Variants in CPNE5 observed in about 807,000 individuals in gnomAD.
The protein encoded by CPNE5 is copine 5, also known as copine-5.
CPNE5 carries 42 observed loss-of-function variants against 81.1 expected under a neutral mutation model. The observed-to-expected ratio is 0.52, with a 90% CI of 0.40 to 0.67. The LOEUF (loss-of-function observed/expected upper bound fraction) is 0.67. CPNE5 is among the 30% of genes least tolerant of loss of function. The pLI is 0.00. For synonymous variants in CPNE5, 313 were observed against 321.5 expected (o/e 0.97, Z 0.28); for missense variants, 612 against 815.5 (o/e 0.75, Z 3.04).
At chr6:36,799,342 A>G (rs1769892778) in intron 4 of CPNE5, among the ~76,000 whole-genome samples, 1 of 152,080 alleles carries the variant, frequency 6.6e-6, no homozygotes, top group Non-Finnish European at 1.5e-5. Context: ...TTTCTCCCTA[A>G]GATCCCAAAC....
chr6:36,800,305 T>C (rs971152232), intron 3 of CPNE5, among the ~76,000 whole-genome samples: 3 of 152,230 alleles, frequency 2.0e-5, no homozygotes, highest in East Asian at 1.9e-4. Flanking sequence ...CCCATCTCCA[T>C]GCAAGCTGAT....
At chr6:36,779,679 A>C (rs1054744942) in intron 8 of CPNE5, among the ~76,000 whole-genome samples, 4 of 152,202 alleles carry the variant, frequency 2.6e-5, no homozygotes, top group Admixed American at 2.6e-4. Flanking sequence ...CCACCTGCTG[A>C]GTCCCCAGCC....
intron 3 of CPNE5, among the ~76,000 whole-genome samples, chr6:36,818,981 A>G (rs1487970263): frequency 6.6e-6 from 1 of 152,244 alleles, no homozygotes; most frequent in Non-Finnish European, 1.5e-5. Context: ...AGTTCACTTA[A>G]GCAGGCTAAA....
At chr6:36,754,478 C>T (rs546086222) in intron 13 of CPNE5, 11 of 152,374 alleles carry the variant, frequency 7.2e-5, no homozygotes, top group Admixed American at 6.5e-4. Context: ...GGGGATTCTG[C>T]ACACCATAAG....
chr6:36,745,396 G>A lies in CPNE5; in HGVS notation c.1320C>T (p.His440=), dbSNP rs377244489. 89 of 1,606,544 alleles carry A rather than the reference G, an allele frequency of 5.5e-5. No individual in the cohort carries two copies. The highest frequency in any genetic ancestry group is 3.2e-4 in the African/African-American group (24 of 74,906). The change falls in exon 17 of 21, where the codon CAC becomes CAT. Residue 440 remains histidine (H), a synonymous_variant. Transcript: ENST00000244751. ...GTGGCAGCGGCACTCACCTGGCCACGTGGGTGACCACGGGGGCAAAGTTGG... is the reference window on the plus strand; with the variant it reads ...GTGGCAGCGGCACTCACCTGGCCACATGGGTGACCACGGGGGCAAAGTTGG... ...GPTNFAPVVT[H]VARNAAAVQD...
Position 36,839,334 on chromosome 6 carries a change from G to A in CPNE5, c.44C>T (p.Ser15Phe), listed in dbSNP as rs368691298. 6.4e-6 allele frequency: 10 copies of A among 1,553,422 alleles called. No individual in the cohort carries two copies. Among genetic ancestry groups the A allele is most frequent in the South Asian group, 1.2e-5 (1 of 84,078 alleles). Reference protein sequence around the residue: ...EDMASLSEFDSLAGSIPATKV... With the variant: ...EDMASLSEFDFLAGSIPATKV... ...GGTGGCCGGGATGCTGCCCGCCAAG[G>A]AGTCGAACTCGCTCAGCGACGCCAT... The change falls in exon 1 of 21, where the codon TCC (serine) becomes TTC (phenylalanine). Residue 15 changes from serine to phenylalanine, a missense_variant. Transcript: ENST00000244751. This position sits in a 1 kb window ranked among gnomAD's most constrained non-coding sequence, Gnocchi z 7.3.
intron 14 of CPNE5, among the ~76,000 whole-genome samples, chr6:36,750,884 C>T (rs547972779): frequency 6.6e-6 from 1 of 152,322 alleles, no homozygotes; most frequent in South Asian, 2.1e-4. Flanking sequence ...TTCTGAAAAG[C>T]CTTGGGAAAG....
At chr6:36,753,141 G>A (rs1266408405) in intron 13 of CPNE5, 46 bp from the exon 14 acceptor site, 1 of 1,513,230 alleles carries the variant, frequency 6.6e-7, no homozygotes, top group Non-Finnish European at 9.2e-7. Context: ...CTGGGGTCAG[G>A]GGAGATGGGT....
intron 3 of CPNE5, among the ~76,000 whole-genome samples, chr6:36,814,391 C>T (rs1771355992): frequency 6.6e-6 from 1 of 152,170 alleles, no homozygotes; most frequent in Non-Finnish European, 1.5e-5. Context: ...ACAAACGACA[C>T]ATGATGGCAA....
chr6:36,813,130 C>G (rs1771244979), intron 3 of CPNE5, among the ~76,000 whole-genome samples: 1 of 152,328 alleles, frequency 6.6e-6, no homozygotes, highest in East Asian at 1.9e-4. Context: ...CACAAGACTG[C>G]AAATTATCTT....
At chr6:36,775,991 T>C (rs1213313424) in intron 9 of CPNE5, among the ~76,000 whole-genome samples, 1 of 152,244 alleles carries the variant, frequency 6.6e-6, no homozygotes, top group Admixed American at 6.5e-5. Context: ...TTAGACGATC[T>C]TTAAGACCCT....
rs547537881 is a variant in CPNE5 at position 36,827,249 on chromosome 6, C to T, written c.96-4151G>A. 8.2e-6 allele frequency: 7 copies of T among 857,678 alleles called. No individual in the cohort carries two copies. The South Asian group carries it at 2.1e-4, about 26-fold the overall frequency. The allele number at this position is 857,678 out of a possible 1,614,324, so 53.1% of individuals were successfully genotyped here. A position where few individuals can be genotyped will look rare whatever the true frequency, so the allele number is the denominator to read the frequency against. On this transcript the variant is annotated intron_variant, in intron 1 of 20. Coordinates refer to ENST00000244751, the MANE Select transcript of CPNE5 (RefSeq NM_020939.2). ...CCCTACACCCTCTGATCCCACACCT[C>T]GTCCACACTTGCCTCCGTCCATCCC... is the stretch of plus-strand genomic sequence containing the variant.
At chr6:36,824,721 T>C (rs1248700083) in intron 1 of CPNE5, among the ~76,000 whole-genome samples, 1 of 152,180 alleles carries the variant, frequency 6.6e-6, no homozygotes, top group Non-Finnish European at 1.5e-5. Context: ...CTGAGGCATG[T>C]GGATCACTTG....
At chr6:36,834,771 C>T (rs371900866) in intron 1 of CPNE5, among the ~76,000 whole-genome samples, 7 of 152,140 alleles carry the variant, frequency 4.6e-5, no homozygotes, top group African/African-American at 1.4e-4. Flanking sequence ...TCCCCTAGCT[C>T]CACTGACCTG....
At chr6:36,747,440 T>C (rs1764305387) in intron 15 of CPNE5, among the ~76,000 whole-genome samples, 1 of 152,218 alleles carries the variant, frequency 6.6e-6, no homozygotes, top group African/African-American at 2.4e-5. Flanking sequence ...GCAATAATAG[T>C]TCCTACTTCA....
intron 3 of CPNE5, among the ~76,000 whole-genome samples, chr6:36,809,626 A>G (rs1200412330): frequency 1.3e-5 from 2 of 152,128 alleles, no homozygotes; most frequent in African/African-American, 2.4e-5. Context: ...AACAACCAAA[A>G]AAAAAATCAA....
chr6:36,803,793 T>C (rs949151187), intron 3 of CPNE5, among the ~76,000 whole-genome samples: 1 of 152,182 alleles, frequency 6.6e-6, no homozygotes, highest in African/African-American at 2.4e-5. Context: ...TTTTAAAAAA[T>C]ATATGCTTTA....
At position 36,794,654 on chromosome 6, in the gene CPNE5, G is replaced by A. The variant is rs1205398856; in HGVS notation, c.405-5C>T. ...TTCAGGCTGAATGCGCCTATCCTGTGGAGAGAGAGGGGGAGAGAGAGCATG... is the reference window on the plus strand; with the variant it reads ...TTCAGGCTGAATGCGCCTATCCTGTAGAGAGAGAGGGGGAGAGAGAGCATG... On this transcript the variant is annotated splice_polypyrimidine_tract_variant and splice_region_variant and intron_variant, in intron 6 of 20. Coordinates refer to ENST00000244751, the MANE Select transcript of CPNE5 (RefSeq NM_020939.2). 1 of 1,613,588 alleles carries A rather than the reference G, an allele frequency of 6.2e-7. No homozygotes were observed. The highest frequency in any genetic ancestry group is 1.3e-5 in the African/African-American group (1 of 74,864).
chr6:36,778,299 A>G (rs1302290246), intron 9 of CPNE5, among the ~76,000 whole-genome samples: 1 of 152,196 alleles, frequency 6.6e-6, no homozygotes, highest in Non-Finnish European at 1.5e-5. Flanking sequence ...CTTCTAGATT[A>G]GGGAGAAGAG....
Sources: gnomAD v4.1 joint callset for allele counts (sites outside exome capture counted in the v4.1 genomes callset) on GRCh38, gnomAD v4.1.1 for gene constraint, Gnocchi (gnomAD v3.1) non-coding constraint, MANE v1.5 for transcripts, NCBI Gene and HGNC (gene_info 2026-07-23, HGNC 2026-07-21) for gene names.